The following GLS variants were observed in gnomAD, a reference collection of about 807,000 sequenced individuals.
GLS encodes glutaminase kidney isoform, mitochondrial.
Under a neutral mutation model 86.7 loss-of-function variants are expected in GLS, and 36 were observed. The ratio of observed to expected loss-of-function variants is 0.42; its 90% CI spans 0.32 to 0.55. GLS has a LOEUF of 0.55. Among genes scored for constraint, GLS ranks in the 20% least tolerant of loss-of-function variants. The pLI, the probability that GLS is intolerant of heterozygous loss-of-function variation, is 0.17. For synonymous variants in GLS, 317 were observed against 305.9 expected, an observed-to-expected ratio of 1.04 and a Z score of -0.38; for missense variants, 528 against 833.4, an observed-to-expected ratio of 0.63 and a Z score of 4.51.
At chr2:190,917,506 A>T (rs1282007329) in intron 7 of GLS, among the ~76,000 whole-genome samples, 6 of 152,216 alleles carry the variant, frequency 3.9e-5, no homozygotes, top group Non-Finnish European at 7.3e-5. Flanking sequence ...ACCTATGATC[A>T]TGAAAGTTCT....
At chr2:190,887,619 T>C (rs757575994) in intron 1 of GLS, among the ~76,000 whole-genome samples, 1 of 152,128 alleles carries the variant, frequency 6.6e-6, no homozygotes, top group African/African-American at 2.4e-5. Flanking sequence ...CAATTCTTGA[T>C]GGTAAACTTT....
At position 190,963,920 on chromosome 2, in the gene GLS, T is replaced by A. The variant is rs925075448; in HGVS notation, c.*934T>A. 2 of 152,070 alleles carry A rather than the reference T, an allele frequency of 1.3e-5. No individual in the cohort carries two copies. The highest frequency in any genetic ancestry group is 4.8e-5 in the African/African-American group (2 of 41,410). 9.4% of individuals were successfully genotyped at this position (152,070 alleles called of 1,614,324 possible). A position where few individuals can be genotyped will look rare whatever the true frequency, so the allele number is the denominator to read the frequency against. ...TTTAAGAAGTTTTTTTTTTTTAGCTTCTAGGGTAAAGATAAATTCAGAAAT... is the reference window on the plus strand; with the variant it reads ...TTTAAGAAGTTTTTTTTTTTTAGCTACTAGGGTAAAGATAAATTCAGAAAT... On this transcript the variant is annotated 3_prime_UTR_variant, in exon 18 of 18. Transcript: ENST00000320717.
At chr2:190,948,227 A>T (rs1168205408) in intron 14 of GLS, among the ~76,000 whole-genome samples, 1 of 152,146 alleles carries the variant, frequency 6.6e-6, no homozygotes, top group Non-Finnish European at 1.5e-5. Context: ...TTTTGTTTTC[A>T]TGGGAAGAAT....
At chr2:190,898,673 C>T (rs1688832897) in intron 3 of GLS, among the ~76,000 whole-genome samples, 1 of 152,078 alleles carries the variant, frequency 6.6e-6, no homozygotes, top group Admixed American at 6.5e-5. Context: ...CTCTTGTTGC[C>T]CAGGCTGGAG....
In GLS at chr2:190,951,141, T is replaced by G. The variant is rs1558994419; in HGVS notation, c.1651-2424T>G. ...GAAGATTGGACTGCCTTGGGAGTAG[T>G]ATTTGGCAGTGGAAAGTGGGTAATG... On this transcript the variant is annotated intron_variant, in intron 14 of 17. Transcript: ENST00000320717. This position sits in a 1 kb window ranked among gnomAD's most constrained non-coding sequence, Gnocchi z 4.2. Among the ~76,000 whole-genome samples the G allele has an allele frequency of 6.6e-6, 1 of 152,030 alleles. No individual in the cohort carries two copies. Among genetic ancestry groups the G allele is most frequent in the African/African-American group, 2.4e-5 (1 of 41,388 alleles).
At chr2:190,881,553 G>T (rs1574551026) in intron 1 of GLS, 83 bp downstream of exon 1, 1 of 1,277,096 alleles carries the variant, frequency 7.8e-7, no homozygotes, top group African/African-American at 1.6e-5. Context: ...GGTGGGGCGG[G>T]ATAGGAGCCG....
chr2:190,933,113 T>A, intron 14 of GLS: 1 of 919,288 alleles, frequency 1.1e-6, no homozygotes, highest in Non-Finnish European at 1.3e-6. Flanking sequence ...AAAGGAAAAA[T>A]TTAAATTTTT....
chr2:190,891,252 A>G (rs1215452695), intron 1 of GLS, among the ~76,000 whole-genome samples: 2 of 152,144 alleles, frequency 1.3e-5, no homozygotes, highest in East Asian at 3.8e-4. Flanking sequence ...CTTTAGTCAT[A>G]TTTCTCCTAG....
rs945450418 is a variant in GLS at position 190,943,140 on chromosome 2, G to C, written c.1651-10425G>C. On this transcript the variant is annotated intron_variant, in intron 14 of 17. Transcript: ENST00000320717. This position sits in a 1 kb window ranked among gnomAD's most constrained non-coding sequence, Gnocchi z 4.5. ...AATAGAGGTTCTGTTAGTATGGAAG[G>C]GGTGGGTAGTGGATAATGGTTAGAC... is the stretch of plus-strand genomic sequence containing the variant. Among the ~76,000 whole-genome samples, 1 of 152,188 alleles carries C rather than the reference G, an allele frequency of 6.6e-6. No homozygotes were observed. The highest frequency in any genetic ancestry group is 1.5e-5 in the Non-Finnish European group (1 of 68,028).
rs1354650538 is a variant in GLS at position 190,938,381 on chromosome 2, T to C, written c.1650+6744T>C. 1.3e-5 allele frequency among the ~76,000 whole-genome samples: 2 copies of C among 151,662 alleles called. No homozygotes were observed. The highest frequency in any genetic ancestry group is 4.8e-5 in the African/African-American group (2 of 41,434). ...GAAAATCTCCTCTGCACAGCAATTA[T>C]ATTTGGAATCCTGAGCTATAATTAA... On this transcript the variant is annotated intron_variant, in intron 14 of 17. Coordinates refer to ENST00000320717, the MANE Select transcript of GLS (RefSeq NM_014905.5). This position sits in a 1 kb window ranked among gnomAD's most constrained non-coding sequence, Gnocchi z 4.1.
rs560824592 is a variant in GLS, at chr2:190,933,388, T to C, written c.1650+1751T>C. The C allele has an allele frequency of 1.7e-5, 15 of 874,554 alleles. No homozygotes were observed. In the South Asian group the frequency reaches 6.9e-4, roughly 40 times the overall value. The allele number at this position is 874,554 out of a possible 1,614,324, so 54.2% of individuals were successfully genotyped here. On this transcript the variant is annotated intron_variant, in intron 14 of 17. Transcript: ENST00000320717. Reference sequence around the variant, plus strand: ...ATAGCAGTGGATTATAAAATTAGCTTGTGTTTACATTTATGCCATTTTTGG... The same window carrying C: ...ATAGCAGTGGATTATAAAATTAGCTCGTGTTTACATTTATGCCATTTTTGG...
At position 190,895,648 on chromosome 2, in the gene GLS, A is replaced by G; in HGVS notation, c.528A>G (p.Lys176=). ...TGLRTSDPRL[K]ECMDMLRLTL... ...TGCGAACGTCTGATCCCAGGTTGAA[A>G]GAGTGTATGGATATGTTAAGATTAA... Residue 176 remains lysine, a synonymous_variant, in exon 3 of 18, where the codon AAA becomes AAG. Coordinates refer to ENST00000320717, the MANE Select transcript of GLS (RefSeq NM_014905.5). The surrounding 1 kb of genome is among the most constrained non-coding windows in gnomAD (Gnocchi z 4.2). 6.2e-7 allele frequency: 1 copy of G among 1,603,542 alleles called. No homozygotes were observed. The highest frequency in any genetic ancestry group is 8.5e-7 in the Non-Finnish European group (1 of 1,171,240).
intron 1 of GLS, among the ~76,000 whole-genome samples, chr2:190,892,085 T>C (rs761773952): frequency 3.3e-5 from 5 of 151,922 alleles, no homozygotes; most frequent in Non-Finnish European, 5.9e-5. Context: ...TATGTACATG[T>C]CTCCTACTTC....
Position 190,939,202 on chromosome 2 carries a change from C to CT in GLS, c.1650+7566dup, listed in dbSNP as rs75224973. Among the ~76,000 whole-genome samples, 606 of 151,786 alleles carry CT rather than the reference C, an allele frequency of 4.0e-3. 33 individuals are homozygous for CT. In the East Asian group the frequency reaches 0.091, roughly 23 times the overall value. ...TTCCTAATTTGTCTGTTTATTTACT[C>CT]TGTCTATAGTACATGTTGTCTTCAG... On this transcript the variant is annotated intron_variant, in intron 14 of 17. Coordinates refer to ENST00000320717, the MANE Select transcript of GLS (RefSeq NM_014905.5).
chr2:190,962,795 C>G lies in GLS; in HGVS notation c.1854-35C>G, dbSNP rs772830760. 2 of 1,338,140 alleles carry G rather than the reference C, an allele frequency of 1.5e-6. No homozygotes were observed. Among genetic ancestry groups the G allele is most frequent in the Non-Finnish European group, 2.0e-6 (2 of 1,023,888 alleles). 82.9% of individuals were successfully genotyped at this position (1,338,140 alleles called of 1,614,324 possible). A position where few individuals can be genotyped will look rare whatever the true frequency, so the allele number is the denominator to read the frequency against. On this transcript the variant is annotated intron_variant, in intron 17 of 17. Transcript: ENST00000320717. This position sits in a 1 kb window ranked among gnomAD's most constrained non-coding sequence, Gnocchi z 4.2. ...GTGATCATCTTTGTACATAAATTACCTAATGACCCTGTCCATGCTGTGCTA... is the reference window on the plus strand; with the variant it reads ...GTGATCATCTTTGTACATAAATTACGTAATGACCCTGTCCATGCTGTGCTA...
chr2:190,923,048 A>G (rs1409872990), intron 9 of GLS, among the ~76,000 whole-genome samples: 1 of 152,130 alleles, frequency 6.6e-6, no homozygotes, highest in Non-Finnish European at 1.5e-5. Flanking sequence ...CTACTTGCAT[A>G]TTTGATCATA....
At position 190,938,145 on chromosome 2, in the gene GLS, A is replaced by G. The variant is rs1306908511; in HGVS notation, c.1650+6508A>G. ...TTAAGCCATATTTCAATATCTGAGG[A>G]TATGATTTTTCTGTACATAGTATGA... On this transcript the variant is annotated intron_variant, in intron 14 of 17. Coordinates refer to ENST00000320717, the MANE Select transcript of GLS (RefSeq NM_014905.5). This position sits in a 1 kb window ranked among gnomAD's most constrained non-coding sequence, Gnocchi z 4.1. 6.6e-6 allele frequency among the ~76,000 whole-genome samples: 1 copy of G among 151,374 alleles called. No homozygotes were observed. Among genetic ancestry groups the G allele is most frequent in the Non-Finnish European group, 1.5e-5 (1 of 67,472 alleles).
At chr2:190,910,939 T>C (rs961469703) in intron 7 of GLS, among the ~76,000 whole-genome samples, 1 of 151,048 alleles carries the variant, frequency 6.6e-6, no homozygotes, top group Non-Finnish European at 1.5e-5. Context: ...AAGGGTTTTT[T>C]TTTTTTTTAG....
chr2:190,881,773 C>T (rs1029832874), intron 1 of GLS: 3 of 285,464 alleles, frequency 1.1e-5, no homozygotes. Flanking sequence ...AGAGGCCGCT[C>T]CCCTGCCCGC....
Sources: allele counts gnomAD v4.1 joint callset (sites outside exome capture counted in the v4.1 genomes callset), GRCh38; gene constraint gnomAD v4.1.1; non-coding constraint Gnocchi (gnomAD v3.1); transcripts MANE v1.5; gene names NCBI Gene and HGNC (gene_info 2026-07-23, HGNC 2026-07-21).